The following SMAD1 variants were observed in gnomAD, a reference collection of about 807,000 sequenced individuals.
The protein encoded by SMAD1 is SMAD family member 1.
A neutral mutation model predicts 41.6 loss-of-function variants in SMAD1; 6 were observed. That is an observed-to-expected ratio of 0.14 (90% CI 0.08 to 0.28). The LOEUF (loss-of-function observed/expected upper bound fraction) is 0.28. SMAD1 is among the 10% of genes least tolerant of loss of function. SMAD1 has a pLI of 1.00. For missense variants in SMAD1, 379 were observed against 582.6 expected (o/e 0.65, Z 3.60); for synonymous variants, 206 against 203.2 (o/e 1.01, Z -0.12).
At chr4:145,547,402 C>T (rs1051610073) in intron 5 of SMAD1, among the ~76,000 whole-genome samples, 1 of 152,042 alleles carries the variant, frequency 6.6e-6, no homozygotes, top group East Asian at 1.9e-4. Context: ...AACAACTGTC[C>T]ATATAAGACA....
At chr4:145,554,320 ATATGT>A (rs1321895191) in intron 6 of SMAD1, among the ~76,000 whole-genome samples, 2 of 152,126 alleles carry the variant, frequency 1.3e-5, no homozygotes, top group Non-Finnish European at 2.9e-5. Context: ...TACCAGTAGA[ATATGT>A]TATGTTATAT....
At chr4:145,492,343 C>A (rs1462874566) in intron 1 of SMAD1, among the ~76,000 whole-genome samples, 3 of 152,212 alleles carry the variant, frequency 2.0e-5, no homozygotes, top group Non-Finnish European at 2.9e-5. Context: ...CAAGTTGGGG[C>A]TCCTATGACT....
At chr4:145,485,309 C>G (rs1316554979) in intron 1 of SMAD1, among the ~76,000 whole-genome samples, 4 of 152,190 alleles carry the variant, frequency 2.6e-5, no homozygotes, top group Admixed American at 1.3e-4. Context: ...CTCCTGGGCT[C>G]AAGCTGTTCT....
chr4:145,545,554 T>TGTGTG (rs1553950227), intron 4 of SMAD1: 11 of 106,496 alleles, frequency 1.0e-4, no homozygotes, highest in African/African-American at 3.0e-4. Context: ...TCCTTGTTTT[T>TGTGTG]TTTTTGTGTG....
intron 2 of SMAD1, among the ~76,000 whole-genome samples, chr4:145,534,000 C>T (rs369834604): frequency 1.3e-5 from 2 of 152,046 alleles, no homozygotes; most frequent in East Asian, 1.9e-4. Context: ...TAAATGAGAC[C>T]ATGAGCATGG....
At chr4:145,553,216 C>T (rs1329176739) in intron 5 of SMAD1, among the ~76,000 whole-genome samples, 7 of 151,736 alleles carry the variant, frequency 4.6e-5, no homozygotes. Context: ...TGGCCTATTA[C>T]TATTTTTAAA....
At chr4:145,537,450 C>T (rs185229792) in intron 2 of SMAD1, among the ~76,000 whole-genome samples, 3 of 152,142 alleles carry the variant, frequency 2.0e-5, no homozygotes, top group Admixed American at 2.0e-4. Context: ...TTTGAGTGTT[C>T]TTTGTAGTAT....
chr4:145,530,210 A>C (rs1382911231), intron 2 of SMAD1, among the ~76,000 whole-genome samples: 1 of 152,222 alleles, frequency 6.6e-6, no homozygotes, highest in Non-Finnish European at 1.5e-5. Flanking sequence ...TGTGTAGGGC[A>C]CACTGAGGCA....
At chr4:145,505,611 T>A in intron 1 of SMAD1, among the ~76,000 whole-genome samples, 1 of 135,894 alleles carries the variant, frequency 7.4e-6, no homozygotes, top group African/African-American at 3.3e-5. Context: ...AGAGCAAGAC[T>A]CTGTCAAAAA....
upstream of SMAD1, chr4:145,481,759 G>C (rs1022245421): frequency 1.2e-4 from 22 of 190,534 alleles, no homozygotes; most frequent in Non-Finnish European, 2.0e-4. Flanking sequence ...GCGGGTGAGC[G>C]TGTGAGCGGG....
chr4:145,546,989 C>CTT, intron 5 of SMAD1, 65 bp downstream of exon 5: 1 of 1,248,036 alleles, frequency 8.0e-7, no homozygotes, highest in Non-Finnish European at 1.2e-6. Context: ...CCAGAGCTGA[C>CTT]TTAAAATCAT....
At chr4:145,492,067 G>C (rs1728798173) in intron 1 of SMAD1, among the ~76,000 whole-genome samples, 1 of 152,108 alleles carries the variant, frequency 6.6e-6, no homozygotes. Context: ...TTTTTTAAAG[G>C]ATAATAGGGG....
Position 145,514,793 on chromosome 4 carries a change from A to G in SMAD1, c.180A>G (p.Gln60=), listed in dbSNP as rs1351983818. ...ELEKALSCPG[Q]PSNCVTIPRS... is the part of the protein sequence containing the mutation. ...AAAAGGCCTTGAGCTGCCCAGGGCA[A>G]CCGAGTAACTGTGTCACCATTCCCC... is the stretch of plus-strand genomic sequence containing the variant. The change falls in exon 2 of 7, where the codon CAA becomes CAG. Residue 60 remains glutamine (Q), a synonymous_variant. Coordinates refer to ENST00000302085, the MANE Select transcript of SMAD1 (RefSeq NM_005900.3). This position sits in a 1 kb window ranked among gnomAD's most constrained non-coding sequence, Gnocchi z 4.7. 4 of 1,614,040 alleles carry G rather than the reference A, an allele frequency of 2.5e-6. No individual in the cohort carries two copies. The highest frequency in any genetic ancestry group is 3.4e-6 in the Non-Finnish European group (4 of 1,180,028).
chr4:145,534,157 A>C (rs1376030327), intron 2 of SMAD1, among the ~76,000 whole-genome samples: 1 of 152,212 alleles, frequency 6.6e-6, no homozygotes, highest in Non-Finnish European at 1.5e-5. Flanking sequence ...ACCTGCCAAC[A>C]CTTTGACTTT....
intron 6 of SMAD1, among the ~76,000 whole-genome samples, chr4:145,555,903 A>T (rs1340746982): frequency 6.6e-6 from 1 of 152,150 alleles, no homozygotes. Flanking sequence ...CTTAGCCTGG[A>T]AGTTGGATTT....
At chr4:145,550,089 CTTAGT>C (rs201811951) in intron 5 of SMAD1, among the ~76,000 whole-genome samples, 1,803 of 152,020 alleles carry the variant, frequency 0.012, 44 homozygotes, top group African/African-American at 0.041. Flanking sequence ...TCCAGATGCC[CTTAGT>C]AGTGTACTCA....
At chr4:145,530,050 AAC>A (rs1731236659) in intron 2 of SMAD1, among the ~76,000 whole-genome samples, 1 of 152,240 alleles carries the variant, frequency 6.6e-6, no homozygotes, top group Admixed American at 6.5e-5. Flanking sequence ...ATATTGAAAA[AAC>A]ATTCATTCTG....
chr4:145,521,463 A>G (rs1373778836), intron 2 of SMAD1, among the ~76,000 whole-genome samples: 2 of 152,212 alleles, frequency 1.3e-5, no homozygotes, highest in African/African-American at 4.8e-5. Context: ...ATTAGCTTCC[A>G]GGTGCTTTCA....
intron 1 of SMAD1, among the ~76,000 whole-genome samples, chr4:145,499,300 CT>C (rs555992825): frequency 4.3e-4 from 65 of 152,270 alleles, no homozygotes; most frequent in African/African-American, 1.4e-3. Context: ...ACAGTCAAAA[CT>C]TTTTTGTGCA....
Sources: allele counts gnomAD v4.1 joint callset (sites outside exome capture counted in the v4.1 genomes callset), GRCh38; gene constraint gnomAD v4.1.1; non-coding constraint Gnocchi (gnomAD v3.1); transcripts MANE v1.5; gene names NCBI Gene and HGNC (gene_info 2026-07-23, HGNC 2026-07-21).